Variants in ARPP21 observed in about 807,000 individuals in gnomAD.
ARPP21 encodes the protein cAMP-regulated phosphoprotein 21.
A neutral mutation model predicts 113.2 loss-of-function variants in ARPP21; 69 were observed. The ratio of observed to expected loss-of-function variants is 0.61; its 90% CI spans 0.50 to 0.74. The LOEUF is 0.74. ARPP21 is among the 30% of genes least tolerant of loss of function. ARPP21 has a pLI of 0.00. For missense variants in ARPP21, 1,070 were observed against 1,037.4 expected (o/e 1.03, Z -0.43); for synonymous variants, 368 against 375.5 (o/e 0.98, Z 0.23).
At chr3:35,671,912 C>A (rs758792565) in intron 1 of ARPP21, among the ~76,000 whole-genome samples, 3 of 151,900 alleles carry the variant, frequency 2.0e-5, no homozygotes, top group Non-Finnish European at 4.4e-5. Context: ...CAGAAAGCAC[C>A]AAGAGCCTGA....
chr3:35,654,423 C>G (rs1354466186), intron 1 of ARPP21, among the ~76,000 whole-genome samples: 1 of 151,992 alleles, frequency 6.6e-6, no homozygotes, highest in Non-Finnish European at 1.5e-5. Context: ...GTCTTCTGCC[C>G]CATGGGGGAG....
At chr3:35,681,558 CT>C in intron 2 of ARPP21, 155 bp from the exon 3 acceptor site, 1 of 543,396 alleles carries the variant, frequency 1.8e-6, no homozygotes, top group Non-Finnish European at 3.3e-6. Context: ...TTGTGCATGC[CT>C]TGGGTACTTG....
chr3:35,655,592 G>A (rs963985636), intron 1 of ARPP21, among the ~76,000 whole-genome samples: 2 of 151,966 alleles, frequency 1.3e-5, no homozygotes, highest in African/African-American at 4.8e-5. Flanking sequence ...CTGCCCCAGT[G>A]ACTAAAATGA....
chr3:35,747,798 A>C (rs2095164724), intron 19 of ARPP21, among the ~76,000 whole-genome samples: 1 of 151,830 alleles, frequency 6.6e-6, no homozygotes. Flanking sequence ...TTCATTGTGT[A>C]GAGTTTTAAG....
intron 6 of ARPP21, among the ~76,000 whole-genome samples, chr3:35,688,651 C>T (rs930664370): frequency 6.6e-5 from 10 of 151,668 alleles, no homozygotes; most frequent in Non-Finnish European, 1.0e-4. Flanking sequence ...AAATGACAAC[C>T]GCCTCTAACA....
intron 1 of ARPP21, among the ~76,000 whole-genome samples, chr3:35,652,321 T>G (rs1280833962): frequency 2.6e-5 from 4 of 152,078 alleles, no homozygotes; most frequent in Non-Finnish European, 4.4e-5. Context: ...ACTTGTGACT[T>G]GTTCACTTTG....
intron 1 of ARPP21, among the ~76,000 whole-genome samples, chr3:35,667,891 G>GAAGAAGAAGAAGAAGAAGAAGAAGAA (rs1262199513): frequency 1.7e-4 from 12 of 71,336 alleles, no homozygotes; most frequent in African/African-American, 3.9e-4. Flanking sequence ...AAGAAGAAGA[G>GAAGAAGAAGAAGAAGAAGAAGAAGAA]GAAGAGGAAG....
At chr3:35,667,891 G>GAA (rs1262199513) in intron 1 of ARPP21, among the ~76,000 whole-genome samples, 1,429 of 70,652 alleles carry the variant, frequency 0.02, 26 homozygotes, top group Non-Finnish European at 0.027. Flanking sequence ...AAGAAGAAGA[G>GAA]GAAGAGGAAG....
At position 35,668,011 on chromosome 3, in the gene ARPP21, G is replaced by GAAGAAGAAGAAGAAGAAGAAGAAA. The variant is rs2075243731; in HGVS notation, c.-212-11755_-212-11754insAAAAAGAAGAAGAAGAAGAAGAAG. On this transcript the variant is annotated intron_variant, in intron 1 of 20. Transcript: ENST00000684406. ...AGAAGAAGAAGAAGAAGAAGAAGAA[G>GAAGAAGAAGAAGAAGAAGAAGAAA]AAGAAGAAGAAGAAGAAGAAGGAGA... Among the ~76,000 whole-genome samples, 42 of 150,090 alleles carry GAAGAAGAAGAAGAAGAAGAAGAAA rather than the reference G, an allele frequency of 2.8e-4. 1 individual carries two copies. The highest frequency in any genetic ancestry group is 1.0e-3 in the African/African-American group (42 of 40,266).
chr3:35,664,843 C>A (rs1233681716), intron 1 of ARPP21, among the ~76,000 whole-genome samples: 5 of 152,114 alleles, frequency 3.3e-5, no homozygotes, highest in Non-Finnish European at 7.4e-5. Flanking sequence ...GTTCTCTGAG[C>A]TGGAACCGAC....
chr3:35,793,773 GCAGGTCAAGGGTCACTCC>G lies in ARPP21; in HGVS notation c.2363_2380del (p.Gly788_Pro793del). 1 of 1,613,964 alleles carries G rather than the reference GCAGGTCAAGGGTCACTCC, an allele frequency of 6.2e-7. No individual in the cohort carries two copies. Among genetic ancestry groups the G allele is most frequent in the Non-Finnish European group, 8.5e-7 (1 of 1,179,870 alleles). On this transcript the variant is annotated inframe_deletion, in exon 21 of 21. Coordinates refer to ENST00000684406, the MANE Select transcript of ARPP21 (RefSeq NM_001385562.1). ...ACAGCCAATCATGCTACCTAACCAG[GCAGGTCAAGGGTCACTCC>G]CAGCCACTGGAATGCCTGTTTACTG... is the stretch of plus-strand genomic sequence containing the variant.
chr3:35,772,565 G>A (rs1349780233), intron 19 of ARPP21, among the ~76,000 whole-genome samples: 2 of 152,154 alleles, frequency 1.3e-5, no homozygotes, highest in Non-Finnish European at 2.9e-5. Context: ...TATGTTTTCT[G>A]CGCTCAGAGA....
At chr3:35,757,779 A>G (rs1214588100) in intron 19 of ARPP21, among the ~76,000 whole-genome samples, 1 of 152,106 alleles carries the variant, frequency 6.6e-6, no homozygotes. Context: ...TTAAACATGT[A>G]TTGTGATCAT....
At position 35,745,020 on chromosome 3, in the gene ARPP21, A is replaced by C. The variant is rs530189293; in HGVS notation, c.2137+1055A>C. On this transcript the variant is annotated intron_variant, in intron 19 of 20. Transcript: ENST00000684406. ...TGGATGGTTACATGTTCTTTGGTTT[A>C]TCTCATGGCCTATTTAAAGTCTGTG... Among the ~76,000 whole-genome samples, 20 of 152,204 alleles carry C rather than the reference A, an allele frequency of 1.3e-4. No individual in the cohort carries two copies. In the East Asian group the frequency reaches 3.9e-3, roughly 29 times the overall value.
chr3:35,741,732 G>C (rs1351754993), intron 18 of ARPP21, among the ~76,000 whole-genome samples: 1 of 152,064 alleles, frequency 6.6e-6, no homozygotes, highest in African/African-American at 2.4e-5. Flanking sequence ...ATACATTTCT[G>C]AGCTTTGGGG....
intron 13 of ARPP21, 93 bp downstream of exon 13, chr3:35,717,450 G>A: frequency 1.2e-6 from 1 of 803,560 alleles, no homozygotes. Context: ...AAATATATCT[G>A]TTCATTTAAA....
intron 1 of ARPP21, among the ~76,000 whole-genome samples, chr3:35,657,212 A>G (rs571973440): frequency 3.9e-5 from 6 of 152,174 alleles, no homozygotes; most frequent in Admixed American, 2.0e-4. Context: ...ACAGCCTAGA[A>G]CTTTCATCCA....
intron 15 of ARPP21, among the ~76,000 whole-genome samples, chr3:35,736,093 AG>A (rs1407019785): frequency 2.6e-5 from 4 of 152,216 alleles, no homozygotes; most frequent in African/African-American, 9.6e-5. Context: ...CTTACTGACC[AG>A]GGTCATTTTC....
intron 1 of ARPP21, among the ~76,000 whole-genome samples, chr3:35,667,980 A>G (rs1246414076): frequency 2.8e-5 from 4 of 143,026 alleles, no homozygotes; most frequent in African/African-American, 7.9e-5. Flanking sequence ...AAGAAGAAGA[A>G]GAAGAAGAAG....
Sources: allele counts gnomAD v4.1 joint callset (sites outside exome capture counted in the v4.1 genomes callset), GRCh38; gene constraint gnomAD v4.1.1; transcripts MANE v1.5; gene names NCBI Gene and HGNC (gene_info 2026-07-23, HGNC 2026-07-21).